The following VPS13B variants were observed in gnomAD, a reference collection of about 807,000 sequenced individuals.
VPS13B encodes the protein vacuolar protein sorting 13 homolog B.
In VPS13B, 285 loss-of-function variants were observed where a neutral mutation model predicts 426.4. The observed-to-expected ratio is 0.67, with a 90% CI of 0.61 to 0.74. The LOEUF is 0.74. Among genes scored for constraint, VPS13B ranks in the 30% least tolerant of loss-of-function variants. The pLI is 0.00. For synonymous variants in VPS13B, 1,676 were observed against 1,676.4 expected, an observed-to-expected ratio of 1.00 and a Z score of 0.01; for missense variants, 4,537 against 4,782.6, an observed-to-expected ratio of 0.95 and a Z score of 1.51.
At chr8:99,431,260 T>C (rs1212429414) in intron 21 of VPS13B, among the ~76,000 whole-genome samples, 1 of 152,194 alleles carries the variant, frequency 6.6e-6, no homozygotes, top group Non-Finnish European at 1.5e-5. Context: ...AATTAATAAA[T>C]AGAACGTTAC....
At chr8:99,405,350 C>G (rs1815266905) in intron 21 of VPS13B, among the ~76,000 whole-genome samples, 1 of 152,162 alleles carries the variant, frequency 6.6e-6, no homozygotes, top group African/African-American at 2.4e-5. Flanking sequence ...AGGCTGAGAC[C>G]TAGGATTCAT....
At chr8:99,684,562 AC>A (rs980089466) in intron 35 of VPS13B, among the ~76,000 whole-genome samples, 3 of 152,048 alleles carry the variant, frequency 2.0e-5, no homozygotes, top group Non-Finnish European at 4.4e-5. Context: ...GAAACTCATC[AC>A]CATTTTGGTA....
At chr8:99,291,551 C>T (rs902202911) in intron 19 of VPS13B, among the ~76,000 whole-genome samples, 13 of 152,090 alleles carry the variant, frequency 8.5e-5, no homozygotes, top group Non-Finnish European at 1.9e-4. Flanking sequence ...TAGAAAGTTA[C>T]TCAGTACAGG....
chr8:99,053,861 C>A (rs1218587610), intron 3 of VPS13B, among the ~76,000 whole-genome samples: 3 of 152,044 alleles, frequency 2.0e-5, no homozygotes, highest in Admixed American at 2.0e-4. Flanking sequence ...TACCACCACC[C>A]CCGGCTAATT....
Position 99,124,882 on chromosome 8 carries a change from CA to C in VPS13B, c.1206+3457del, listed in dbSNP as rs34328080. On this transcript the variant is annotated intron_variant, in intron 8 of 61. Transcript: ENST00000357162. Reference sequence around the variant, plus strand: ...GGGCAACAAGAGCAAGACTCCGTCTCAAAAAAAAAAAAAAAAAAAAGGAATG... The same window carrying C: ...GGGCAACAAGAGCAAGACTCCGTCTCAAAAAAAAAAAAAAAAAAAGGAATG... Among the ~76,000 whole-genome samples, 644 of 86,182 alleles carry C rather than the reference CA, an allele frequency of 7.5e-3. 2 individuals carry two copies. The highest frequency in any genetic ancestry group is 0.029 in the African/African-American group (576 of 19,768). 56.5% of individuals were successfully genotyped at this position (86,182 alleles called of 152,430 possible).
chr8:99,696,933 G>C, intron 35 of VPS13B: 1 of 698,182 alleles, frequency 1.4e-6, no homozygotes, highest in Non-Finnish European at 2.7e-6. Context: ...CCAATGATAA[G>C]CTGATTGCTG....
At position 99,766,954 on chromosome 8, in the gene VPS13B, G is replaced by A. The variant is rs2130621965; in HGVS notation, c.7231G>A (p.Gly2411Arg). Residue 2411 changes from glycine to arginine, a missense_variant, in exon 40 of 62, where the codon GGA becomes AGA. Around this residue, in one of 2 missense-constraint regions of VPS13B, gnomAD observed 4,311 missense variants for 4,474.3 expected, o/e 0.96. Coordinates refer to ENST00000357162, the MANE Select transcript of VPS13B (RefSeq NM_152564.5). ...WRIVLNSSQN[G>R]ADDQSSASES... ...AATTGTCTTGAACAGCAGTCAAAAT[G>A]GAGCTGATGACCAAAGGTAATTCAT... is the stretch of plus-strand genomic sequence containing the variant. 2 of 1,613,844 alleles carry A rather than the reference G, an allele frequency of 1.2e-6. No homozygotes were observed. Among genetic ancestry groups the A allele is most frequent in the African/African-American group, 1.3e-5 (1 of 75,022 alleles).
chr8:99,703,543 T>C (rs1832372694), intron 36 of VPS13B, among the ~76,000 whole-genome samples: 1 of 152,160 alleles, frequency 6.6e-6, no homozygotes, highest in Non-Finnish European at 1.5e-5. Context: ...TTATATCATA[T>C]ATTTTAAAAT....
At chr8:99,372,867 A>G (rs1243842920) in intron 19 of VPS13B, among the ~76,000 whole-genome samples, 1 of 152,234 alleles carries the variant, frequency 6.6e-6, no homozygotes, top group Non-Finnish European at 1.5e-5. Flanking sequence ...ATGCACACAT[A>G]TGTTTATTGC....
intron 6 of VPS13B, among the ~76,000 whole-genome samples, chr8:99,113,626 A>G (rs1847491312): frequency 6.6e-6 from 1 of 152,046 alleles, no homozygotes; most frequent in African/African-American, 2.4e-5. Flanking sequence ...GTGCAATGGC[A>G]TGATCTCGGC....
At chr8:99,264,809 T>C (rs1818221809) in intron 17 of VPS13B, among the ~76,000 whole-genome samples, 1 of 152,172 alleles carries the variant, frequency 6.6e-6, no homozygotes, top group Non-Finnish European at 1.5e-5. Flanking sequence ...TCTTGAACTA[T>C]GTTTTTGATT....
At chr8:99,577,405 G>T in intron 32 of VPS13B, 85 bp from the exon 33 acceptor site, 1 of 1,585,928 alleles carries the variant, frequency 6.3e-7, no homozygotes, top group Non-Finnish European at 8.6e-7. Context: ...CACCAAAGTA[G>T]TGAAGGTCAA....
At chr8:99,395,599 C>T (rs1399192477) in intron 21 of VPS13B, among the ~76,000 whole-genome samples, 1 of 152,092 alleles carries the variant, frequency 6.6e-6, no homozygotes, top group Non-Finnish European at 1.5e-5. Flanking sequence ...TAGTGAGTAA[C>T]TGTTACTGTT....
intron 36 of VPS13B, among the ~76,000 whole-genome samples, chr8:99,709,451 A>T (rs530606545): frequency 2.0e-5 from 3 of 152,286 alleles, no homozygotes; most frequent in Admixed American, 2.0e-4. Flanking sequence ...TCATGAAACT[A>T]TTTGTTCCTT....
chr8:99,699,004 A>G (rs974639007), intron 35 of VPS13B, among the ~76,000 whole-genome samples: 1 of 151,384 alleles, frequency 6.6e-6, no homozygotes, highest in Non-Finnish European at 1.5e-5. Flanking sequence ...CTGGTTTGCA[A>G]CAGGTCATAA....
chr8:99,040,534 G>A (rs778378141), intron 3 of VPS13B, among the ~76,000 whole-genome samples: 44 of 152,168 alleles, frequency 2.9e-4, no homozygotes, highest in Non-Finnish European at 5.7e-4. Flanking sequence ...TAAATTTTGC[G>A]TAAAAACATT....
At chr8:99,630,522 C>A (rs1248688523) in intron 33 of VPS13B, among the ~76,000 whole-genome samples, 2 of 152,016 alleles carry the variant, frequency 1.3e-5, no homozygotes, top group Admixed American at 6.6e-5. Flanking sequence ...TTTATCTACT[C>A]CCCTACCCAG....
chr8:99,032,590 C>T (rs1270872894), intron 2 of VPS13B, among the ~76,000 whole-genome samples: 1 of 147,360 alleles, frequency 6.8e-6, no homozygotes, highest in African/African-American at 2.5e-5. Context: ...AGTGCAGTGG[C>T]GCGATCTCAA....
chr8:99,834,562 G>C (rs746137000), intron 52 of VPS13B, among the ~76,000 whole-genome samples: 2 of 151,510 alleles, frequency 1.3e-5, no homozygotes, highest in Admixed American at 1.3e-4. Flanking sequence ...TTTGATACAG[G>C]GTCTTGCTCT....
Sources: allele counts gnomAD v4.1 joint callset (sites outside exome capture counted in the v4.1 genomes callset), GRCh38; gene constraint gnomAD v4.1.1; regional missense constraint gnomAD v4.1.1; transcripts MANE v1.5; gene names NCBI Gene and HGNC (gene_info 2026-07-23, HGNC 2026-07-21).